The following BIRC6 variants were observed in gnomAD, a reference collection of about 807,000 sequenced individuals.
BIRC6 encodes the protein baculoviral IAP repeat containing 6, also known as dual E2 ubiquitin-conjugating enzyme/E3 ubiquitin-protein ligase BIRC6.
In BIRC6, 98 loss-of-function variants were observed where a neutral mutation model predicts 503.3. The observed-to-expected ratio is 0.19, with a 90% CI of 0.17 to 0.23. The LOEUF (loss-of-function observed/expected upper bound fraction) is 0.23, where lower values mean the gene tolerates loss of function less well. Among genes scored for constraint, BIRC6 ranks in the 10% least tolerant of loss-of-function variants. The pLI is 1.00. For synonymous variants in BIRC6, 2,240 were observed against 2,078.7 expected, an observed-to-expected ratio of 1.08 and a Z score of -2.11; for missense variants, 5,360 against 5,806.0, an observed-to-expected ratio of 0.92 and a Z score of 2.50.
At chr2:32,497,857 A>G (rs552269940) in intron 45 of BIRC6, among the ~76,000 whole-genome samples, 1 of 152,286 alleles carries the variant, frequency 6.6e-6, no homozygotes, top group African/African-American at 2.4e-5. Flanking sequence ...CAAGCATTTG[A>G]CAAAGTCAGA....
In BIRC6 at chr2:32,357,505, G is replaced by T; in HGVS notation, c.325+19G>T. ...CTCAGTGGTGAGTCTTCCGCACGCC[G>T]GGCGGGCGCGAAGCCGGGGAAAGAA... is the stretch of plus-strand genomic sequence containing the variant. On this transcript the variant is annotated intron_variant, in intron 1 of 73. Coordinates refer to ENST00000421745, the MANE Select transcript of BIRC6 (RefSeq NM_016252.4). The surrounding 1 kb of genome is among the most constrained non-coding windows in gnomAD (Gnocchi z 4.9). 6.5e-7 allele frequency: 1 copy of T among 1,536,970 alleles called. No individual in the cohort carries two copies. The highest frequency in any genetic ancestry group is 8.8e-7 in the Non-Finnish European group (1 of 1,142,308).
Position 32,543,406 on chromosome 2 carries a change from A to C in BIRC6, c.12457A>C (p.Ile4153Leu). Residue 4153 changes from isoleucine (I) to leucine (L), a missense_variant, in exon 62 of 74, where the codon ATA becomes CTA. Ile to Leu is a conservative substitution (Grantham distance 5, BLOSUM62 2). Around this residue, in one of 16 missense-constraint regions of BIRC6, gnomAD observed 477 missense variants for 574.4 expected, o/e 0.83. Transcript: ENST00000421745. ...IKSAVQTMSP[I>L]PAHSLAAFGL... ...GTCAGCAGTACAGACCATGTCTCCC[A>C]TACCTGCCCATTCTTTGGCTGCTTT... 6.2e-7 allele frequency: 1 copy of C among 1,613,982 alleles called. No individual in the cohort carries two copies. The highest frequency in any genetic ancestry group is 8.5e-7 in the Non-Finnish European group (1 of 1,179,886).
intron 49 of BIRC6, among the ~76,000 whole-genome samples, chr2:32,503,484 C>T (rs1037687655): frequency 5.9e-5 from 9 of 152,106 alleles, no homozygotes; most frequent in Non-Finnish European, 1.0e-4. Flanking sequence ...AGTGCAATGG[C>T]GTGATCTCAG....
At chr2:32,387,424 A>G (rs921045556) in intron 3 of BIRC6, among the ~76,000 whole-genome samples, 35 of 152,024 alleles carry the variant, frequency 2.3e-4, no homozygotes, top group Admixed American at 2.1e-3. Flanking sequence ...AGTAGAAACC[A>G]TTCATGGGTG....
At chr2:32,381,303 A>G (rs966704468) in intron 3 of BIRC6, among the ~76,000 whole-genome samples, 1 of 152,110 alleles carries the variant, frequency 6.6e-6, no homozygotes, top group Non-Finnish European at 1.5e-5. Context: ...GCAATGGCAC[A>G]ATCTCGGCTC....
chr2:32,504,464 G>A (rs571992959), intron 49 of BIRC6, among the ~76,000 whole-genome samples: 6 of 151,802 alleles, frequency 4.0e-5, no homozygotes, highest in African/African-American at 1.4e-4. Flanking sequence ...TCAGGAGATC[G>A]AGACTGTCCC....
At chr2:32,411,481 G>C (rs556730810) in intron 9 of BIRC6, among the ~76,000 whole-genome samples, 2 of 145,656 alleles carry the variant, frequency 1.4e-5, no homozygotes, top group East Asian at 4.1e-4. Flanking sequence ...ATCGCCTAGA[G>C]TGGTTTTTTC....
At position 32,553,888 on chromosome 2, in the gene BIRC6, G is replaced by C. The variant is rs543756593; in HGVS notation, c.13144+4407G>C. 4.9e-4 allele frequency among the ~76,000 whole-genome samples: 75 copies of C among 152,234 alleles called. No individual in the cohort carries two copies. In the South Asian group the frequency reaches 0.015, roughly 30 times the overall value. On this transcript the variant is annotated intron_variant, in intron 65 of 73. Coordinates refer to ENST00000421745, the MANE Select transcript of BIRC6 (RefSeq NM_016252.4). ...AATAAAGACATCTGTTAGTGTTCTA[G>C]ATAGGAAAATATATTATTTGTTCAT...
intron 1 of BIRC6, among the ~76,000 whole-genome samples, chr2:32,368,723 C>T (rs1235429508): frequency 6.6e-6 from 1 of 152,108 alleles, no homozygotes; most frequent in Non-Finnish European, 1.5e-5. Flanking sequence ...GTGATCTCAG[C>T]TCACTTCAAC....
Position 32,357,420 on chromosome 2 carries a change from A to C in BIRC6, c.259A>C (p.Ser87Arg). Residue 87 changes from serine to arginine, a missense_variant, in exon 1 of 74, where the codon AGC becomes CGC. Physicochemically the swap from Ser to Arg is moderately radical, Grantham distance 110. Transcript: ENST00000421745. The surrounding 1 kb of genome is among the most constrained non-coding windows in gnomAD (Gnocchi z 4.9). ...GCTCAACGCCATCCTGGCCGTCACT[A>C]GCCGCGGGACCATCAAAGTCATCGA... ...PALNAILAVTSRGTIKVIDGT... is the reference protein window; with the variant it reads ...PALNAILAVTRRGTIKVIDGT... 1 of 1,549,630 alleles carries C rather than the reference A, an allele frequency of 6.5e-7. No individual in the cohort carries two copies. The highest frequency in any genetic ancestry group is 1.2e-5 in the South Asian group (1 of 83,962).
rs769024621 is a variant in BIRC6, at chr2:32,607,597, G to T, written c.14213G>T (p.Trp4738Leu). 1.9e-6 allele frequency: 3 copies of T among 1,613,484 alleles called. No individual in the cohort carries two copies. The highest frequency in any genetic ancestry group is 8.5e-7 in the Non-Finnish European group (1 of 1,179,718). The change falls in exon 72 of 74, where the codon TGG (tryptophan) becomes TTG (leucine). Residue 4738 changes from tryptophan (W) to leucine (L), a missense_variant. Trp to Leu is a moderately conservative substitution (Grantham distance 61). Coordinates refer to ENST00000421745, the MANE Select transcript of BIRC6 (RefSeq NM_016252.4). ...AACATTCGACAAGCAACAGTTAAGT[G>T]GGCAATGCTAGAACAAATCAGAAAC... The part of the protein sequence containing the change: ...DGNIRQATVK[W>L]AMLEQIRNPS...
In BIRC6 at chr2:32,562,160, A is replaced by T. The variant is rs997012105; in HGVS notation, c.13144+12679A>T. Among the ~76,000 whole-genome samples the T allele has an allele frequency of 2.6e-5, 4 of 152,312 alleles. No individual in the cohort carries two copies. The East Asian group carries it at 7.7e-4, about 29-fold the overall frequency. Reference sequence around the variant, plus strand: ...CTTCTCTTCCTTATTGAACTTTAGCATGCTAGACTGTCTTCATTATTCATG... The same window carrying T: ...CTTCTCTTCCTTATTGAACTTTAGCTTGCTAGACTGTCTTCATTATTCATG... On this transcript the variant is annotated intron_variant, in intron 65 of 73. Transcript: ENST00000421745.
intron 13 of BIRC6, 99 bp downstream of exon 13, chr2:32,433,903 C>A: frequency 1.0e-6 from 1 of 985,110 alleles, no homozygotes; most frequent in South Asian, 2.6e-5. Context: ...CCTTTCTGTC[C>A]CTTGTTGCCA....
chr2:32,421,931 CCTAA>C (rs1380933448), intron 10 of BIRC6, among the ~76,000 whole-genome samples: 1 of 152,092 alleles, frequency 6.6e-6, no homozygotes, highest in Non-Finnish European at 1.5e-5. Context: ...TATTGAAATC[CCTAA>C]CTATGTTTTT....
chr2:32,444,900 G>A (rs965926679), intron 20 of BIRC6, among the ~76,000 whole-genome samples: 4 of 152,128 alleles, frequency 2.6e-5, no homozygotes, highest in Admixed American at 1.3e-4. Context: ...TGCTCATTAC[G>A]ATAGTCTCTA....
intron 37 of BIRC6, among the ~76,000 whole-genome samples, chr2:32,480,140 A>C (rs144961206): frequency 2.0e-5 from 3 of 152,060 alleles, no homozygotes; most frequent in Non-Finnish European, 2.9e-5. Flanking sequence ...ATGTTTGCTC[A>C]TGATTTTCTA....
At chr2:32,519,578 C>T (rs145657180) in intron 57 of BIRC6, among the ~76,000 whole-genome samples, 2,522 of 152,196 alleles carry the variant, frequency 0.017, 51 homozygotes, top group African/African-American at 0.058. Context: ...TGCAGTGGAA[C>T]GATCTTGGCT....
chr2:32,495,790 G>GTTTTTTTTTTTT (rs11464835), intron 45 of BIRC6, among the ~76,000 whole-genome samples: 1 of 84,812 alleles, frequency 1.2e-5, no homozygotes, highest in African/African-American at 4.8e-5. Flanking sequence ...TCAGGATGAA[G>GTTTTTTTTTTTT]TTTTTTTTTT....
chr2:32,450,999 G>A (rs1414489775), intron 22 of BIRC6, among the ~76,000 whole-genome samples: 6 of 152,140 alleles, frequency 3.9e-5, no homozygotes, highest in Admixed American at 3.9e-4. Flanking sequence ...CAGATACAGA[G>A]AGCTGAGTGT....
Sources: gnomAD v4.1 joint callset for allele counts (sites outside exome capture counted in the v4.1 genomes callset) on GRCh38, gnomAD v4.1.1 for gene constraint, gnomAD v4.1.1 regional missense constraint, Gnocchi (gnomAD v3.1) non-coding constraint, MANE v1.5 for transcripts, NCBI Gene and HGNC (gene_info 2026-07-23, HGNC 2026-07-21) for gene names.